The following NKAIN2 variants were observed in gnomAD, a reference collection of about 807,000 sequenced individuals.
NKAIN2 encodes the protein sodium/potassium transporting ATPase interacting 2.
Under a neutral mutation model 32.6 loss-of-function variants are expected in NKAIN2, and 14 were observed. The observed-to-expected ratio is 0.43, with a 90% CI of 0.28 to 0.67. NKAIN2 has a LOEUF of 0.67. NKAIN2 is among the 30% of genes least tolerant of loss of function. The pLI is 0.17. For missense variants in NKAIN2, 198 were observed against 258.3 expected (o/e 0.77, Z 1.60); for synonymous variants, 80 against 87.2 (o/e 0.92, Z 0.46).
chr6:124,398,872 C>G (rs1773511091), intron 3 of NKAIN2, among the ~76,000 whole-genome samples: 1 of 152,070 alleles, frequency 6.6e-6, no homozygotes, highest in Non-Finnish European at 1.5e-5. Context: ...AAAATTATCC[C>G]CATCCTGTTT....
At chr6:124,335,805 A>G (rs1484477630) in intron 2 of NKAIN2, among the ~76,000 whole-genome samples, 2 of 152,184 alleles carry the variant, frequency 1.3e-5, no homozygotes, top group Non-Finnish European at 2.9e-5. Flanking sequence ...ATCTAATATT[A>G]CATGTATTTT....
intron 3 of NKAIN2, among the ~76,000 whole-genome samples, chr6:124,410,160 A>AT (rs1414699082): frequency 1.3e-5 from 2 of 151,934 alleles, no homozygotes; most frequent in African/African-American, 2.4e-5. Flanking sequence ...GGATTCATTG[A>AT]TTTTTTGAAG....
At position 124,345,951 on chromosome 6, in the gene NKAIN2, G is replaced by T. The variant is rs536096156; in HGVS notation, c.193-9316G>T. ...AGTGTGTCAATTTTGGATCTTTCCTGCTTTCTCTTCTGGGCATTTAGGGCT... is the reference window on the plus strand; with the variant it reads ...AGTGTGTCAATTTTGGATCTTTCCTTCTTTCTCTTCTGGGCATTTAGGGCT... On this transcript the variant is annotated intron_variant, in intron 2 of 6. Transcript: ENST00000368417. 1.1e-3 allele frequency among the ~76,000 whole-genome samples: 169 copies of T among 152,064 alleles called. 1 individual carries two copies. Among genetic ancestry groups the T allele is most frequent in the African/African-American group, 4.0e-3 (166 of 41,462 alleles).
chr6:124,384,871 C>T (rs1583165967), intron 3 of NKAIN2, among the ~76,000 whole-genome samples: 1 of 152,276 alleles, frequency 6.6e-6, no homozygotes, highest in South Asian at 2.1e-4. Context: ...GATCCACCCG[C>T]TTCAGCCTCC....
At chr6:124,560,775 A>G (rs1780660415) in intron 3 of NKAIN2, among the ~76,000 whole-genome samples, 1 of 152,264 alleles carries the variant, frequency 6.6e-6, no homozygotes. Context: ...TATATCTCAG[A>G]GGAAAAGTTG....
At chr6:124,718,160 C>G (rs1417166966) in intron 4 of NKAIN2, among the ~76,000 whole-genome samples, 2 of 151,952 alleles carry the variant, frequency 1.3e-5, no homozygotes, top group African/African-American at 4.8e-5. Context: ...AATTGTGCAA[C>G]CATCACAACA....
intron 3 of NKAIN2, among the ~76,000 whole-genome samples, chr6:124,535,358 A>ATTTTTAAATTTTTAAT (rs1779676575): frequency 6.6e-6 from 1 of 152,232 alleles, no homozygotes; most frequent in South Asian, 2.1e-4. Flanking sequence ...GAATTTTTAA[A>ATTTTTAAATTTTTAAT]TTTGTAGTTC....
At chr6:123,849,395 A>G (rs919901882) in intron 1 of NKAIN2, among the ~76,000 whole-genome samples, 2 of 152,158 alleles carry the variant, frequency 1.3e-5, no homozygotes, top group Non-Finnish European at 2.9e-5. Flanking sequence ...GAGATCCTGT[A>G]AAATCCCAGG....
intron 1 of NKAIN2, among the ~76,000 whole-genome samples, chr6:124,186,975 A>T (rs925155101): frequency 9.2e-5 from 14 of 152,026 alleles, no homozygotes; most frequent in African/African-American, 2.2e-4. Context: ...GATTTTTTTT[A>T]AAAATTTTTA....
chr6:124,312,564 T>C (rs1796766485), intron 2 of NKAIN2, among the ~76,000 whole-genome samples: 1 of 151,894 alleles, frequency 6.6e-6, no homozygotes, highest in Non-Finnish European at 1.5e-5. Flanking sequence ...AAAGGCAGGG[T>C]GTGGGGGAAG....
chr6:124,629,473 T>C (rs529120607), intron 3 of NKAIN2, among the ~76,000 whole-genome samples: 4 of 152,200 alleles, frequency 2.6e-5, no homozygotes, highest in East Asian at 1.9e-4. Flanking sequence ...CCCAAAAAAC[T>C]AGTATATCAA....
chr6:124,775,341 A>T (rs1423312697), intron 4 of NKAIN2, among the ~76,000 whole-genome samples: 1 of 152,200 alleles, frequency 6.6e-6, no homozygotes, highest in Non-Finnish European at 1.5e-5. Flanking sequence ...TCTTGGGATG[A>T]AGCCAGCCTT....
chr6:123,906,674 C>A (rs1774888005), intron 1 of NKAIN2, among the ~76,000 whole-genome samples: 1 of 152,106 alleles, frequency 6.6e-6, no homozygotes. Context: ...TTTAATAAGA[C>A]CTTTATCATC....
At chr6:124,195,686 C>T (rs979629096) in intron 1 of NKAIN2, among the ~76,000 whole-genome samples, 6 of 152,084 alleles carry the variant, frequency 3.9e-5, no homozygotes, top group Admixed American at 1.3e-4. Flanking sequence ...AACAATTCCT[C>T]AATGGAAAAG....
intron 4 of NKAIN2, among the ~76,000 whole-genome samples, chr6:124,717,025 C>A (rs1775789379): frequency 6.6e-6 from 1 of 152,096 alleles, no homozygotes; most frequent in African/African-American, 2.4e-5. Context: ...TGTTTGTAAG[C>A]AAATGTTCTT....
intron 4 of NKAIN2, among the ~76,000 whole-genome samples, chr6:124,732,389 C>G (rs1464287205): frequency 6.6e-6 from 1 of 151,962 alleles, no homozygotes; most frequent in Non-Finnish European, 1.5e-5. Flanking sequence ...AAGGCTAAGG[C>G]TAAGAGGCAA....
chr6:124,082,391 A>G (rs1003953240), intron 1 of NKAIN2, among the ~76,000 whole-genome samples: 1 of 152,126 alleles, frequency 6.6e-6, no homozygotes, highest in Non-Finnish European at 1.5e-5. Flanking sequence ...AAGTCATTCA[A>G]GTGTAGACAG....
chr6:124,576,240 T>C (rs1422579587), intron 3 of NKAIN2, among the ~76,000 whole-genome samples: 1 of 152,238 alleles, frequency 6.6e-6, no homozygotes, highest in African/African-American at 2.4e-5. Flanking sequence ...ATTTGTGTGA[T>C]TGAATTGCAA....
intron 2 of NKAIN2, among the ~76,000 whole-genome samples, chr6:124,307,263 A>G (rs1419646570): frequency 6.6e-6 from 1 of 152,196 alleles, no homozygotes; most frequent in African/African-American, 2.4e-5. Flanking sequence ...TTAACAATTC[A>G]CTAGTAAAAT....
Sources: gnomAD v4.1 joint callset for allele counts (sites outside exome capture counted in the v4.1 genomes callset) on GRCh38, gnomAD v4.1.1 for gene constraint, MANE v1.5 for transcripts, NCBI Gene and HGNC (gene_info 2026-07-23, HGNC 2026-07-21) for gene names.